ANKRD31: variants seen among roughly 807,000 people sequenced by gnomAD.
The protein encoded by ANKRD31 is ankyrin repeat domain-containing protein 31.
Under a neutral mutation model 186.0 loss-of-function variants are expected in ANKRD31, and 147 were observed. The ratio of observed to expected loss-of-function variants is 0.79; its 90% CI spans 0.69 to 0.91. The LOEUF is 0.91. Ranked by LOEUF, ANKRD31 falls within the 40% of genes least tolerant of loss-of-function variation. The pLI is 0.00. For missense variants in ANKRD31, 1,986 were observed against 2,148.8 expected, an observed-to-expected ratio of 0.92 and a Z score of 1.50; for synonymous variants, 673 against 736.4, an observed-to-expected ratio of 0.91 and a Z score of 1.39.
chr5:75,233,641 C>G (rs1186829822), intron 1 of ANKRD31, among the ~76,000 whole-genome samples: 1 of 152,036 alleles, frequency 6.6e-6, no homozygotes, highest in East Asian at 1.9e-4. Context: ...AAGGGCCGGG[C>G]ACAGTGACTC....
chr5:75,147,595 T>C, intron 13 of ANKRD31, 90 bp from the exon 14 acceptor site: 1 of 934,830 alleles, frequency 1.1e-6, no homozygotes, highest in Middle Eastern at 3.5e-4. Context: ...AACTATTATT[T>C]GATTCAAACT....
intron 23 of ANKRD31, among the ~76,000 whole-genome samples, chr5:75,087,899 G>T (rs1580298113): frequency 6.6e-6 from 1 of 152,134 alleles, no homozygotes. Context: ...CCCCATTCCA[G>T]ACTCTTTTTT....
At chr5:75,118,101 C>T in intron 18 of ANKRD31, 34 bp downstream of exon 18, 1 of 1,330,648 alleles carries the variant, frequency 7.5e-7, no homozygotes, top group African/African-American at 1.5e-5. Flanking sequence ...AGATATATCT[C>T]TATATAAAAT....
Position 75,236,766 on chromosome 5 carries a change from G to T in ANKRD31, c.-80C>A. 1 of 1,079,594 alleles carries T rather than the reference G, an allele frequency of 9.3e-7. No individual in the cohort carries two copies. Among genetic ancestry groups the T allele is most frequent in the Non-Finnish European group, 1.3e-6 (1 of 762,372 alleles). 66.9% of individuals were successfully genotyped at this position (1,079,594 alleles called of 1,614,324 possible). A position where few individuals can be genotyped will look rare whatever the true frequency, so the allele number is the denominator to read the frequency against. The stretch of plus-strand genomic sequence containing the variant: ...AAACAAAAAAACGCTTTGAGGGCCA[G>T]GGGAAATTGTGAATTAAAAATAAAA... On this transcript the variant is annotated 5_prime_UTR_variant, in exon 1 of 26. The change creates a new upstream start codon in the 5' untranslated region. Transcript: ENST00000506364.
At chr5:75,226,492 A>G (rs541815836) in intron 2 of ANKRD31, among the ~76,000 whole-genome samples, 6 of 152,206 alleles carry the variant, frequency 3.9e-5, no homozygotes, top group Non-Finnish European at 7.3e-5. Flanking sequence ...ACAGAATGGT[A>G]GAAAGTATTT....
At chr5:75,196,507 G>A (rs2150252456) in intron 6 of ANKRD31, among the ~76,000 whole-genome samples, 1 of 152,290 alleles carries the variant, frequency 6.6e-6, no homozygotes, top group African/African-American at 2.4e-5. Context: ...AGCAGAGATG[G>A]CATGGATAGT....
At chr5:75,148,147 T>C (rs954954413) in intron 13 of ANKRD31, among the ~76,000 whole-genome samples, 1 of 151,792 alleles carries the variant, frequency 6.6e-6, no homozygotes, top group African/African-American at 2.4e-5. Flanking sequence ...CTTCAACTGG[T>C]CTGTATGAAA....
chr5:75,122,946 AAAAG>A (rs1302476895), intron 17 of ANKRD31, among the ~76,000 whole-genome samples: 1 of 152,126 alleles, frequency 6.6e-6, no homozygotes, highest in African/African-American at 2.4e-5. Context: ...GCAATCAGGC[AAAAG>A]AAAGAAAGAA....
chr5:75,182,467 C>G (rs1304621070), intron 10 of ANKRD31, among the ~76,000 whole-genome samples: 3 of 151,940 alleles, frequency 2.0e-5, no homozygotes, highest in African/African-American at 7.3e-5. Context: ...GCCTATAATC[C>G]CAGCACTTTG....
chr5:75,187,450 TG>T (rs1195943591), intron 10 of ANKRD31, among the ~76,000 whole-genome samples: 1 of 150,828 alleles, frequency 6.6e-6, no homozygotes, highest in Non-Finnish European at 1.5e-5. Flanking sequence ...ATGTTAACAC[TG>T]GCACATTAAA....
intron 10 of ANKRD31, among the ~76,000 whole-genome samples, chr5:75,173,488 G>A (rs1037169760): frequency 4.6e-5 from 7 of 152,056 alleles, no homozygotes; most frequent in Admixed American, 1.3e-4. Context: ...AAACCCCATG[G>A]TCTCAGCCCA....
At chr5:75,225,612 C>A in intron 2 of ANKRD31, 1 of 229,780 alleles carries the variant, frequency 4.4e-6, no homozygotes, top group Non-Finnish European at 8.8e-6. Flanking sequence ...AACACAAACA[C>A]AAATGGTGGA....
chr5:75,091,986 A>C (rs1450940277), intron 22 of ANKRD31, among the ~76,000 whole-genome samples: 1 of 152,108 alleles, frequency 6.6e-6, no homozygotes, highest in East Asian at 1.9e-4. Flanking sequence ...ACATGAAGCT[A>C]CTGCCTCCCC....
chr5:75,112,501 G>A lies in ANKRD31; in HGVS notation c.4243+12C>T, dbSNP rs1747868154. 1.4e-6 allele frequency: 2 copies of A among 1,435,712 alleles called. No individual in the cohort carries two copies. The highest frequency in any genetic ancestry group is 5.0e-5 in the East Asian group (2 of 40,008). The allele number at this position is 1,435,712 out of a possible 1,614,324, so 88.9% of individuals were successfully genotyped here. Reference sequence around the variant, plus strand: ...CTGAAAATATCATACTTGAGTATGAGTCTATATTTACCTGCATCTTCAGGG... The same window carrying A: ...CTGAAAATATCATACTTGAGTATGAATCTATATTTACCTGCATCTTCAGGG... On this transcript the variant is annotated intron_variant, in intron 20 of 25. Coordinates refer to ENST00000506364, the MANE Select transcript of ANKRD31 (RefSeq NM_001372053.1).
intron 17 of ANKRD31, among the ~76,000 whole-genome samples, chr5:75,125,994 A>G (rs1208018709): frequency 6.6e-6 from 1 of 152,232 alleles, no homozygotes; most frequent in East Asian, 1.9e-4. Context: ...GCCCCTCTGC[A>G]ATCACTTACC....
At chr5:75,091,844 C>G (rs1745944776) in intron 22 of ANKRD31, among the ~76,000 whole-genome samples, 1 of 152,200 alleles carries the variant, frequency 6.6e-6, no homozygotes, top group Non-Finnish European at 1.5e-5. Context: ...GCTCCCTTCT[C>G]CTGCCCAGCT....
chr5:75,175,277 T>C (rs577902574), intron 10 of ANKRD31, among the ~76,000 whole-genome samples: 1 of 152,216 alleles, frequency 6.6e-6, no homozygotes, highest in East Asian at 1.9e-4. Context: ...AAATACCTAA[T>C]GTAAATGACA....
intron 22 of ANKRD31, among the ~76,000 whole-genome samples, chr5:75,097,528 T>G (rs1467717023): frequency 6.6e-6 from 1 of 152,196 alleles, no homozygotes; most frequent in Non-Finnish European, 1.5e-5. Context: ...TGTAAATTTG[T>G]TTAAGTTCTT....
intron 13 of ANKRD31, 66 bp downstream of exon 13, chr5:75,148,510 G>A: frequency 8.7e-7 from 1 of 1,145,266 alleles, no homozygotes; most frequent in Admixed American, 2.8e-5. Flanking sequence ...TCTTCCCTTT[G>A]ACAATCTATG....
Sources: allele counts gnomAD v4.1 joint callset (sites outside exome capture counted in the v4.1 genomes callset), GRCh38; gene constraint gnomAD v4.1.1; transcripts MANE v1.5; gene names NCBI Gene and HGNC (gene_info 2026-07-23, HGNC 2026-07-21).